HACL1: variants seen among roughly 807,000 people sequenced by gnomAD.
HACL1 encodes the protein 2-hydroxyacyl-CoA lyase 1, also known as 1600020H07Rik.
Under a neutral mutation model 74.2 loss-of-function variants are expected in HACL1, and 64 were observed. The ratio of observed to expected loss-of-function variants is 0.86; its 90% CI spans 0.70 to 1.06. The LOEUF (loss-of-function observed/expected upper bound fraction) is 1.06, where lower values mean the gene tolerates loss of function less well. Among genes scored for constraint, HACL1 ranks in the 50% least tolerant of loss-of-function variants. The probability of loss-of-function intolerance (pLI) is 0.00; values close to 1 mark genes in which losing one functional copy is unlikely to be tolerated. For missense variants in HACL1, 728 were observed against 719.7 expected (o/e 1.01, Z -0.13); for synonymous variants, 230 against 238.8 (o/e 0.96, Z 0.34).
rs904948826 is a variant in HACL1 at position 15,589,740 on chromosome 3, A to G, written c.309-128T>C. 4.3e-6 allele frequency: 3 copies of G among 692,864 alleles called. No homozygotes were observed. In the African/African-American group the frequency reaches 5.4e-5, roughly 12 times the overall value. 42.9% of individuals were successfully genotyped at this position (692,864 alleles called of 1,614,324 possible). On this transcript the variant is annotated intron_variant, in intron 4 of 16. Coordinates refer to ENST00000321169, the MANE Select transcript of HACL1 (RefSeq NM_012260.4). ...GAGAATATTATATTTTTTTCTTAGA[A>G]ACTGTAGATTAAGGCTGGGTGAGGT...
intron 3 of HACL1, among the ~76,000 whole-genome samples, chr3:15,595,078 G>T (rs2064031942): frequency 6.6e-6 from 1 of 151,968 alleles, no homozygotes; most frequent in Non-Finnish European, 1.5e-5. Flanking sequence ...ACTGAGCCGA[G>T]ATTGCACCAC....
chr3:15,573,358 G>A, intron 10 of HACL1, 116 bp from the exon 11 acceptor site: 1 of 633,034 alleles, frequency 1.6e-6, no homozygotes, highest in Admixed American at 2.8e-5. Context: ...AAGAAGATTT[G>A]ATATTCAGAA....
At chr3:15,574,400 T>C (rs2063587656) in intron 10 of HACL1, among the ~76,000 whole-genome samples, 1 of 152,010 alleles carries the variant, frequency 6.6e-6, no homozygotes, top group South Asian at 2.1e-4. Context: ...TCAAGTAAAA[T>C]GGGGCGAATC....
chr3:15,570,776 G>A (rs187550336), intron 12 of HACL1, among the ~76,000 whole-genome samples: 2 of 151,984 alleles, frequency 1.3e-5, no homozygotes, highest in Admixed American at 6.6e-5. Flanking sequence ...AAAGCCAAGA[G>A]TGCAAATGAG....
chr3:15,568,088 TGGTTGATGGAAAAATGAA>T, intron 13 of HACL1, 86 bp from the exon 14 acceptor site: 2 of 1,084,248 alleles, frequency 1.8e-6, no homozygotes, highest in Non-Finnish European at 2.7e-6. Flanking sequence ...CATATTTACA[TGGTTGATGGAAAAATGAA>T]GAACCATAAA....
chr3:15,598,714 C>T (rs549127471), intron 2 of HACL1, among the ~76,000 whole-genome samples: 1 of 152,232 alleles, frequency 6.6e-6, no homozygotes, highest in South Asian at 2.1e-4. Flanking sequence ...CTACATCTTT[C>T]TCTTTATCAC....
At chr3:15,567,782 T>C (rs1331075486) in intron 14 of HACL1, 62 bp downstream of exon 14, 1 of 1,444,696 alleles carries the variant, frequency 6.9e-7, no homozygotes, top group South Asian at 1.2e-5. Context: ...GGTGACTGGG[T>C]CTTGTGTGTC....
At chr3:15,591,494 T>G (rs2063892923) in intron 4 of HACL1, 106 bp downstream of exon 4, 3 of 546,734 alleles carry the variant, frequency 5.5e-6, no homozygotes, top group Non-Finnish European at 9.0e-6. Context: ...TTGAAGGGGT[T>G]TTTTTTTTCC....
At chr3:15,591,935 A>G (rs1254626271) in intron 3 of HACL1, among the ~76,000 whole-genome samples, 2 of 149,986 alleles carry the variant, frequency 1.3e-5, no homozygotes, top group Non-Finnish European at 3.0e-5. Flanking sequence ...ATACGTATAT[A>G]CGTGTATATA....
At chr3:15,566,629 C>T (rs12485938) in intron 14 of HACL1, among the ~76,000 whole-genome samples, 1 of 151,722 alleles carries the variant, frequency 6.6e-6, no homozygotes, top group South Asian at 2.1e-4. Context: ...CCACTCCAGT[C>T]TGGGTGACAA....
chr3:15,574,456 T>C (rs2063588992), intron 10 of HACL1, among the ~76,000 whole-genome samples: 1 of 152,124 alleles, frequency 6.6e-6, no homozygotes, highest in Non-Finnish European at 1.5e-5. Context: ...GGTAGTACTT[T>C]CCACACCAGT....
At chr3:15,578,227 T>C (rs992493619) in intron 9 of HACL1, among the ~76,000 whole-genome samples, 6 of 152,176 alleles carry the variant, frequency 3.9e-5, no homozygotes, top group African/African-American at 1.4e-4. Context: ...CATCTGTCTA[T>C]ATTTTTTATG....
chr3:15,566,815 CTTTT>C (rs1156234795), intron 14 of HACL1, among the ~76,000 whole-genome samples: 4 of 92,458 alleles, frequency 4.3e-5, no homozygotes, highest in African/African-American at 9.0e-5. Flanking sequence ...GGTTAAGTGA[CTTTT>C]TTTTTTTTTT....
chr3:15,587,733 CTAAA>C (rs1160284344), intron 5 of HACL1, among the ~76,000 whole-genome samples: 7 of 152,138 alleles, frequency 4.6e-5, no homozygotes, highest in Non-Finnish European at 8.8e-5. Context: ...CTACTATTAA[CTAAA>C]TAAAACTTCG....
chr3:15,600,751 T>C, intron 2 of HACL1: 1 of 323,572 alleles, frequency 3.1e-6, no homozygotes, highest in South Asian at 4.2e-5. Flanking sequence ...TAATGGAGCT[T>C]GTAGCCTAAT....
intron 3 of HACL1, among the ~76,000 whole-genome samples, chr3:15,592,299 C>T (rs1305567041): frequency 2.3e-5 from 3 of 129,352 alleles, no homozygotes; most frequent in South Asian, 2.2e-4. Flanking sequence ...TGTATACATA[C>T]GTATATATAT....
intron 14 of HACL1, among the ~76,000 whole-genome samples, chr3:15,566,145 C>T: frequency 6.6e-6 from 1 of 152,184 alleles, no homozygotes. Context: ...AACGTTTTAT[C>T]TACCAAAGCT....
chr3:15,601,291 C>G, intron 1 of HACL1, 92 bp downstream of exon 1: 1 of 1,578,176 alleles, frequency 6.3e-7, no homozygotes, highest in Non-Finnish European at 8.7e-7. Flanking sequence ...ACCCCCCGAC[C>G]CCCATCGCCC....
intron 7 of HACL1, among the ~76,000 whole-genome samples, chr3:15,584,544 T>G (rs1449429212): frequency 6.6e-6 from 1 of 151,968 alleles, no homozygotes; most frequent in African/African-American, 2.4e-5. Flanking sequence ...GCTGAGATAG[T>G]GCCACTGCAC....
Sources: gnomAD v4.1 joint callset for allele counts (sites outside exome capture counted in the v4.1 genomes callset) on GRCh38, gnomAD v4.1.1 for gene constraint, MANE v1.5 for transcripts, NCBI Gene and HGNC (gene_info 2026-07-23, HGNC 2026-07-21) for gene names.